Variants in RABGAP1L observed in about 807,000 individuals in gnomAD.
RABGAP1L encodes the protein RAB GTPase activating protein 1 like.
In RABGAP1L, 63 loss-of-function variants were observed where a neutral mutation model predicts 137.7. The ratio of observed to expected loss-of-function variants is 0.46; its 90% CI spans 0.37 to 0.56. RABGAP1L has a LOEUF of 0.56. Ranked by LOEUF, RABGAP1L falls within the 20% of genes least tolerant of loss-of-function variation. RABGAP1L has a pLI of 0.00. For synonymous variants in RABGAP1L, 431 were observed against 433.7 expected, an observed-to-expected ratio of 0.99 and a Z score of 0.08; for missense variants, 1,095 against 1,244.0, an observed-to-expected ratio of 0.88 and a Z score of 1.80.
At chr1:174,842,137 A>G (rs990583913) in intron 19 of RABGAP1L, among the ~76,000 whole-genome samples, 13 of 152,234 alleles carry the variant, frequency 8.5e-5, no homozygotes, top group Admixed American at 8.5e-4. Context: ...ACAAATCTAC[A>G]TTCAAAGACA....
intron 13 of RABGAP1L, among the ~76,000 whole-genome samples, chr1:174,443,411 A>G (rs1224152607): frequency 6.6e-6 from 1 of 152,080 alleles, no homozygotes; most frequent in Admixed American, 6.6e-5. Flanking sequence ...GGTAATAGCC[A>G]TATTAACTAG....
At chr1:174,789,949 A>G (rs1486516260) in intron 18 of RABGAP1L, among the ~76,000 whole-genome samples, 1 of 152,092 alleles carries the variant, frequency 6.6e-6, no homozygotes, top group Non-Finnish European at 1.5e-5. Context: ...GGCTCATGAC[A>G]GTAATCTTGG....
chr1:174,988,643 T>C lies in RABGAP1L; in HGVS notation c.2808T>C (p.Gly936=). 1 of 1,536,820 alleles carries C rather than the reference T, an allele frequency of 6.5e-7. No individual in the cohort carries two copies. The highest frequency in any genetic ancestry group is 8.8e-7 in the Non-Finnish European group (1 of 1,141,044). Residue 936 remains glycine, a splice_region_variant and synonymous_variant, in exon 25 of 26, where the codon GGT becomes GGC. Transcript: ENST00000681986. The part of the protein sequence containing the change: ...ASKEELEVVK[G]KMMACKHCSD... Reference sequence around the variant, plus strand: ...GTTATCTCTTTTGGATACTTTAGGGTAAGATGATGGCATGCAAACACTGCA... The same window carrying C: ...GTTATCTCTTTTGGATACTTTAGGGCAAGATGATGGCATGCAAACACTGCA...
intron 1 of RABGAP1L, among the ~76,000 whole-genome samples, chr1:174,207,640 A>G (rs908300295): frequency 6.6e-6 from 1 of 152,158 alleles, no homozygotes; most frequent in African/African-American, 2.4e-5. Context: ...GTTATTAAAG[A>G]AGTATTTATT....
rs752555603 is a variant in RABGAP1L at position 174,993,549 on chromosome 1, T to C, written c.*3548T>C. 4.3e-4 allele frequency: 66 copies of C among 152,214 alleles called. No individual in the cohort carries two copies. Among genetic ancestry groups the C allele is most frequent in the African/African-American group, 1.3e-3 (54 of 41,456 alleles). The allele number at this position is 152,214 out of a possible 1,614,324, so 9.4% of individuals were successfully genotyped here. Reference sequence around the variant, plus strand: ...ACAATACAGATTTGGGCAGAGGAGATAGAGTTACATCTTTAAAGGAGTGAG... The same window carrying C: ...ACAATACAGATTTGGGCAGAGGAGACAGAGTTACATCTTTAAAGGAGTGAG... On this transcript the variant is annotated 3_prime_UTR_variant, in exon 26 of 26. Coordinates refer to ENST00000681986, the MANE Select transcript of RABGAP1L (RefSeq NM_001366446.1).
At chr1:174,687,491 T>A (rs192952519) in intron 15 of RABGAP1L, among the ~76,000 whole-genome samples, 1 of 152,350 alleles carries the variant, frequency 6.6e-6, no homozygotes, top group African/African-American at 2.4e-5. Context: ...ATAATTCTGT[T>A]AATTAGCATA....
intron 10 of RABGAP1L, among the ~76,000 whole-genome samples, chr1:174,290,141 T>C (rs945733799): frequency 1.3e-5 from 2 of 152,182 alleles, no homozygotes; most frequent in Non-Finnish European, 2.9e-5. Context: ...CCATACTCCC[T>C]GGCCAGACTG....
chr1:174,881,492 CTTTTT>C (rs751296977), intron 19 of RABGAP1L, among the ~76,000 whole-genome samples: 8 of 85,842 alleles, frequency 9.3e-5, no homozygotes, highest in African/African-American at 3.8e-4. Context: ...ATATCATTTG[CTTTTT>C]TTTTTTTTTT....
At chr1:174,391,359 A>G (rs992673248) in intron 12 of RABGAP1L, among the ~76,000 whole-genome samples, 2 of 152,086 alleles carry the variant, frequency 1.3e-5, no homozygotes, top group Admixed American at 1.3e-4. Context: ...ACAGAGTTTC[A>G]CTCTGATGCC....
intron 10 of RABGAP1L, among the ~76,000 whole-genome samples, chr1:174,290,764 G>GTT (rs202217989): frequency 4.3e-5 from 6 of 140,604 alleles, no homozygotes; most frequent in African/African-American, 5.2e-5. Context: ...CTTTTTCTTG[G>GTT]TTTTTTTTTT....
chr1:174,217,539 C>T (rs1669430882), intron 1 of RABGAP1L, among the ~76,000 whole-genome samples: 1 of 152,140 alleles, frequency 6.6e-6, no homozygotes, highest in Non-Finnish European at 1.5e-5. Flanking sequence ...AGAAAGACAT[C>T]TGGAATATGT....
chr1:174,337,409 G>A (rs1178086410), intron 11 of RABGAP1L, among the ~76,000 whole-genome samples: 1 of 152,118 alleles, frequency 6.6e-6, no homozygotes, highest in Admixed American at 6.6e-5. Context: ...AGAATATGAA[G>A]TATGGTTATG....
intron 17 of RABGAP1L, among the ~76,000 whole-genome samples, chr1:174,743,939 G>A (rs376326637): frequency 2.7e-5 from 4 of 150,872 alleles, no homozygotes; most frequent in South Asian, 2.1e-4. Flanking sequence ...ATATAATTAA[G>A]CTAGAGGAAA....
intron 13 of RABGAP1L, among the ~76,000 whole-genome samples, chr1:174,556,364 GA>G (rs1666884332): frequency 6.6e-6 from 1 of 152,144 alleles, no homozygotes; most frequent in Admixed American, 6.5e-5. Context: ...TACTGATGAA[GA>G]AAAAGTAGAA....
intron 13 of RABGAP1L, among the ~76,000 whole-genome samples, chr1:174,506,473 T>C (rs1661826159): frequency 6.6e-6 from 1 of 152,142 alleles, no homozygotes; most frequent in Non-Finnish European, 1.5e-5. Flanking sequence ...GAAATATATA[T>C]GTAAATACAA....
intron 13 of RABGAP1L, among the ~76,000 whole-genome samples, chr1:174,511,839 G>A (rs776072733): frequency 9.2e-5 from 14 of 151,942 alleles, no homozygotes; most frequent in African/African-American, 2.4e-4. Flanking sequence ...GGCTGGTCAC[G>A]AACTCCTGAC....
intron 11 of RABGAP1L, among the ~76,000 whole-genome samples, chr1:174,327,982 CACACATATATATATATATATAT>C (rs1680628662): frequency 4.0e-5 from 1 of 24,758 alleles, no homozygotes; most frequent in African/African-American, 1.5e-4. Context: ...TATATATACA[CACACATATATATATATATATAT>C]ATATATATAT....
chr1:174,798,996 A>G (rs1688493122), intron 18 of RABGAP1L, among the ~76,000 whole-genome samples: 1 of 152,230 alleles, frequency 6.6e-6, no homozygotes, highest in South Asian at 2.1e-4. Flanking sequence ...TGAACTATGG[A>G]TAATTTTTAT....
At chr1:174,553,662 A>C (rs1015049242) in intron 13 of RABGAP1L, among the ~76,000 whole-genome samples, 1 of 152,210 alleles carries the variant, frequency 6.6e-6, no homozygotes. Context: ...ATGTACATGT[A>C]AACATTTTCA....
Sources: gnomAD v4.1 joint callset for allele counts (sites outside exome capture counted in the v4.1 genomes callset) on GRCh38, gnomAD v4.1.1 for gene constraint, MANE v1.5 for transcripts, NCBI Gene and HGNC (gene_info 2026-07-23, HGNC 2026-07-21) for gene names.